The following PIK3C3 variants were observed in gnomAD, a reference collection of about 807,000 sequenced individuals.
The protein encoded by PIK3C3 is PI3-kinase type 3.
In PIK3C3, 95 loss-of-function variants were observed where a neutral mutation model predicts 126.1. The observed-to-expected ratio is 0.75, with a 90% CI of 0.64 to 0.89. PIK3C3 has a LOEUF of 0.89. PIK3C3 is among the 40% of genes least tolerant of loss of function. The probability of loss-of-function intolerance (pLI) is 0.00; values close to 1 mark genes in which losing one functional copy is unlikely to be tolerated. For synonymous variants in PIK3C3, 374 were observed against 360.0 expected (o/e 1.04, Z -0.44); for missense variants, 829 against 1,063.2 (o/e 0.78, Z 3.06).
intron 17 of PIK3C3, among the ~76,000 whole-genome samples, chr18:42,038,443 G>A (rs554086120): frequency 5.3e-5 from 8 of 152,102 alleles, no homozygotes; most frequent in African/African-American, 1.9e-4. Flanking sequence ...CTGGGTTCAA[G>A]CAATTCTCCT....
At chr18:42,000,003 G>T (rs528882385) in intron 9 of PIK3C3, among the ~76,000 whole-genome samples, 2 of 152,258 alleles carry the variant, frequency 1.3e-5, no homozygotes, top group African/African-American at 4.8e-5. Context: ...TTTTACTGGC[G>T]ACAAGAAACG....
At chr18:42,000,663 C>A (rs568465470) in intron 9 of PIK3C3, among the ~76,000 whole-genome samples, 1 of 152,088 alleles carries the variant, frequency 6.6e-6, no homozygotes, top group South Asian at 2.1e-4. Context: ...AATGGACTTA[C>A]AATTTCATGT....
rs141959037 is a variant in PIK3C3 at position 42,071,937 on chromosome 18, G to C, written c.2649+4424G>C. ...GTTTAATTTTACTGGAACTTGTTTA[G>C]GCACTGAAGCATACATGGGATGCTA... is the stretch of plus-strand genomic sequence containing the variant. On this transcript the variant is annotated intron_variant, in intron 24 of 24. Transcript: ENST00000262039. Among the ~76,000 whole-genome samples, 673 of 152,200 alleles carry C rather than the reference G, an allele frequency of 4.4e-3. 6 individuals are homozygous for C. The highest frequency in any genetic ancestry group is 6.9e-3 in the Non-Finnish European group (470 of 68,002).
At chr18:42,018,873 A>G (rs1983194191) in intron 12 of PIK3C3, among the ~76,000 whole-genome samples, 1 of 152,194 alleles carries the variant, frequency 6.6e-6, no homozygotes, top group Non-Finnish European at 1.5e-5. Flanking sequence ...GAAGAAAAGC[A>G]CATAGCATAG....
chr18:41,962,833 T>C (rs189310297), intron 3 of PIK3C3, among the ~76,000 whole-genome samples: 2 of 152,326 alleles, frequency 1.3e-5, no homozygotes, highest in East Asian at 3.9e-4. Flanking sequence ...ATACAATTTA[T>C]ATTGCTCTTC....
intron 4 of PIK3C3, among the ~76,000 whole-genome samples, chr18:41,974,197 A>G (rs1010756346): frequency 2.6e-5 from 4 of 152,160 alleles, no homozygotes; most frequent in Admixed American, 1.3e-4. Context: ...ACGGTGTTAG[A>G]TAATTATTAA....
chr18:42,025,740 G>A (rs1482012608), intron 13 of PIK3C3: 1 of 152,164 alleles, frequency 6.6e-6, no homozygotes, highest in East Asian at 1.9e-4. Context: ...GTGAAAGCAG[G>A]TCATGTAATG....
chr18:41,995,912 A>C lies in PIK3C3; in HGVS notation c.809A>C (p.His270Pro). Residue 270 changes from histidine to proline, a missense_variant, in exon 8 of 25, where the codon CAC becomes CCC. By Grantham distance (77) the His-to-Pro change is moderately conservative. Around this residue, in one of 4 missense-constraint regions of PIK3C3, gnomAD observed 313 missense variants for 340.7 expected, o/e 0.92. Coordinates refer to ENST00000262039, the MANE Select transcript of PIK3C3 (RefSeq NM_002647.4). ...MSMENLVESK[H>P]HKLARSLRSG... ...TAGGAGAATTTAGTTGAGAGCAAAC[A>C]CCACAAGCTTGCCCGGAGTTTAAGA... The C allele has an allele frequency of 6.2e-7, 1 of 1,612,460 alleles. No homozygotes were observed. The highest frequency in any genetic ancestry group is 8.5e-7 in the Non-Finnish European group (1 of 1,178,748).
At chr18:42,036,292 A>G (rs540748456) in intron 16 of PIK3C3, among the ~76,000 whole-genome samples, 2 of 152,254 alleles carry the variant, frequency 1.3e-5, no homozygotes, top group East Asian at 3.9e-4. Context: ...ACAGTAGACA[A>G]CCGTGTATCT....
At chr18:42,067,367 A>T in intron 23 of PIK3C3, 21 bp from the exon 24 acceptor site, 1 of 1,613,048 alleles carries the variant, frequency 6.2e-7, no homozygotes, top group South Asian at 1.1e-5. Context: ...CGTTGTAAAG[A>T]CTAAGAGTGT....
At chr18:41,962,408 A>G (rs1459059255) in intron 2 of PIK3C3, 81 bp from the exon 3 acceptor site, 2 of 1,213,864 alleles carry the variant, frequency 1.6e-6, no homozygotes, top group Non-Finnish European at 2.2e-6. Context: ...CCTCTGGCCA[A>G]AACTTTTTGT....
Position 42,011,380 on chromosome 18 carries a change from T to C in PIK3C3, c.1171-2062T>C, listed in dbSNP as rs142051911. On this transcript the variant is annotated intron_variant, in intron 10 of 24. Coordinates refer to ENST00000262039, the MANE Select transcript of PIK3C3 (RefSeq NM_002647.4). ...GTTTCTACATCAGTACTTGTTGCTT[T>C]GCTTTGTGCTTTTATGTTATGGAAA... 2.2e-3 allele frequency among the ~76,000 whole-genome samples: 337 copies of C among 152,336 alleles called. 1 individual carries two copies. The highest frequency in any genetic ancestry group is 7.5e-3 in the African/African-American group (311 of 41,588).
intron 20 of PIK3C3, 127 bp downstream of exon 20, chr18:42,043,944 A>G: frequency 1.7e-6 from 1 of 592,646 alleles, no homozygotes; most frequent in Non-Finnish European, 3.0e-6. Flanking sequence ...AGTAAAAGAT[A>G]AATGTTGATT....
chr18:42,073,359 G>A (rs1985856158), intron 24 of PIK3C3, among the ~76,000 whole-genome samples: 1 of 152,156 alleles, frequency 6.6e-6, no homozygotes, highest in Admixed American at 6.5e-5. Context: ...TATTTGGGTG[G>A]ATTTCAAAAC....
At chr18:42,014,963 C>G (rs1983002370) in intron 11 of PIK3C3, among the ~76,000 whole-genome samples, 1 of 152,088 alleles carries the variant, frequency 6.6e-6, no homozygotes, top group Non-Finnish European at 1.5e-5. Context: ...ACTTTCTTCC[C>G]TATGCCATGT....
At chr18:42,033,785 C>T (rs1157913213) in intron 15 of PIK3C3, 41 bp from the exon 16 acceptor site, 1 of 1,456,194 alleles carries the variant, frequency 6.9e-7, no homozygotes, top group Non-Finnish European at 9.3e-7. Context: ...ATAAACTACT[C>T]TTCTATTTTA....
chr18:41,957,495 A>G (rs1365941212), intron 1 of PIK3C3, 75 bp from the exon 2 acceptor site: 8 of 1,418,888 alleles, frequency 5.6e-6, no homozygotes, highest in Non-Finnish European at 7.7e-6. Flanking sequence ...ATATATGTAC[A>G]TGCTTAGTAC....
intron 4 of PIK3C3, among the ~76,000 whole-genome samples, chr18:41,974,305 T>C (rs1362168452): frequency 6.6e-6 from 1 of 152,210 alleles, no homozygotes; most frequent in African/African-American, 2.4e-5. Flanking sequence ...AGCTGAAGTT[T>C]GAAAGCCTGC....
intron 9 of PIK3C3, 41 bp downstream of exon 9, chr18:41,996,771 C>T: frequency 2.0e-6 from 2 of 984,322 alleles, no homozygotes; most frequent in Non-Finnish European, 3.1e-6. Context: ...ATTTATCTAC[C>T]AACTTTGTTA....
Sources: allele counts gnomAD v4.1 joint callset (sites outside exome capture counted in the v4.1 genomes callset), GRCh38; gene constraint gnomAD v4.1.1; regional missense constraint gnomAD v4.1.1; transcripts MANE v1.5; gene names NCBI Gene and HGNC (gene_info 2026-07-23, HGNC 2026-07-21).